CPNE4: variants seen among roughly 807,000 people sequenced by gnomAD.
CPNE4 encodes copine 4, also known as copine-4.
A neutral mutation model predicts 67.9 loss-of-function variants in CPNE4; 25 were observed. The ratio of observed to expected loss-of-function variants is 0.37; its 90% confidence interval spans 0.27 to 0.51. The LOEUF is 0.51. Ranked by LOEUF, CPNE4 falls within the 20% of genes least tolerant of loss-of-function variation. CPNE4 has a pLI of 0.93. For synonymous variants in CPNE4, 242 were observed against 244.9 expected (o/e 0.99, Z 0.11); for missense variants, 464 against 690.8 (o/e 0.67, Z 3.68).
intron 7 of CPNE4, among the ~76,000 whole-genome samples, chr3:131,657,541 T>A (rs2080004349): frequency 6.7e-6 from 1 of 150,156 alleles, no homozygotes; most frequent in South Asian, 2.1e-4. Context: ...TATTTTTTTT[T>A]TTTTTTTTTT....
At chr3:131,801,320 G>C (rs1244671544) in intron 2 of CPNE4, among the ~76,000 whole-genome samples, 2 of 136,576 alleles carry the variant, frequency 1.5e-5, no homozygotes, top group Admixed American at 7.5e-5. Flanking sequence ...ATTCTGTCTA[G>C]TCACTGGAAA....
chr3:131,812,756 C>G (rs2107944172), intron 2 of CPNE4, among the ~76,000 whole-genome samples: 1 of 152,264 alleles, frequency 6.6e-6, no homozygotes, highest in South Asian at 2.1e-4. Flanking sequence ...TAGACTGAAA[C>G]TTTCAGGAGC....
At chr3:131,952,336 C>G in intron 1 of CPNE4, among the ~76,000 whole-genome samples, 1 of 150,946 alleles carries the variant, frequency 6.6e-6, no homozygotes, top group African/African-American at 2.4e-5. Flanking sequence ...GCAACCACCC[C>G]GTCTGAGAAG....
intron 14 of CPNE4, among the ~76,000 whole-genome samples, chr3:131,544,517 C>A (rs1248529535): frequency 6.6e-6 from 1 of 152,146 alleles, no homozygotes; most frequent in Admixed American, 6.5e-5. Flanking sequence ...GCTGAATTCC[C>A]AGTTTGGTTT....
intron 7 of CPNE4, among the ~76,000 whole-genome samples, chr3:131,629,264 T>C (rs970135855): frequency 1.3e-5 from 2 of 152,146 alleles, no homozygotes; most frequent in African/African-American, 4.8e-5. Flanking sequence ...AATTCAAGTT[T>C]AGATTTGGGA....
At chr3:131,995,661 C>A (rs1560754035) in intron 1 of CPNE4, among the ~76,000 whole-genome samples, 1 of 152,178 alleles carries the variant, frequency 6.6e-6, no homozygotes, top group African/African-American at 2.4e-5. Flanking sequence ...CTGGCGACTG[C>A]CTAGCAGTTG....
chr3:131,542,820 G>T (rs749184569), intron 14 of CPNE4, 27 bp from the exon 15 acceptor site: 8 of 1,142,382 alleles, frequency 7.0e-6, no homozygotes, highest in African/African-American at 3.8e-5. Flanking sequence ...CATGATGATG[G>T]GGGGGGGTGA....
At chr3:131,954,802 A>G (rs2071891255) in intron 1 of CPNE4, among the ~76,000 whole-genome samples, 1 of 152,048 alleles carries the variant, frequency 6.6e-6, no homozygotes, top group African/African-American at 2.4e-5. Context: ...AGCTTCGTCC[A>G]TGTCCCTACA....
At chr3:131,893,690 T>C (rs1218699345) in intron 2 of CPNE4, among the ~76,000 whole-genome samples, 1 of 151,782 alleles carries the variant, frequency 6.6e-6, no homozygotes, top group Non-Finnish European at 1.5e-5. Flanking sequence ...TACATGGAAA[T>C]TAAACAGCAC....
chr3:131,991,615 T>C (rs1429186676), intron 1 of CPNE4, among the ~76,000 whole-genome samples: 2 of 135,640 alleles, frequency 1.5e-5, no homozygotes, highest in African/African-American at 2.5e-5. Flanking sequence ...AACCTGACAA[T>C]GCGATAGAAA....
At position 132,034,836 on chromosome 3, in the gene CPNE4, G is replaced by T; in HGVS notation, c.-271C>A. ...GGGGGTGGGGGAAGAGGGTGAAAAT[G>T]TTGGAGATGTCAGGTCGGCTCTCAG... is the stretch of plus-strand genomic sequence containing the variant. On this transcript the variant is annotated 5_prime_UTR_variant, in exon 1 of 16. Transcript: ENST00000429747. The T allele has an allele frequency of 2.0e-6, 2 of 985,606 alleles. No individual in the cohort carries two copies. Among genetic ancestry groups the T allele is most frequent in the South Asian group, 4.7e-5 (1 of 21,266 alleles). 61.1% of individuals were successfully genotyped at this position (985,606 alleles called of 1,614,324 possible).
chr3:132,035,113 A>G (rs2074317800), upstream of CPNE4: 5 of 963,468 alleles, frequency 5.2e-6, no homozygotes, highest in Non-Finnish European at 6.2e-6. Flanking sequence ...TTGCCCCGGG[A>G]ACCCGAGCTC....
intron 11 of CPNE4, among the ~76,000 whole-genome samples, chr3:131,560,501 C>G (rs1259640733): frequency 6.6e-6 from 1 of 152,028 alleles, no homozygotes; most frequent in Non-Finnish European, 1.5e-5. Flanking sequence ...CCCTCCTTGA[C>G]CACCCCTCTT....
At chr3:131,985,596 T>A (rs2107642654) in intron 1 of CPNE4, among the ~76,000 whole-genome samples, 1 of 152,340 alleles carries the variant, frequency 6.6e-6, no homozygotes, top group East Asian at 1.9e-4. Flanking sequence ...CCAGATCTTA[T>A]TTTAAACACT....
chr3:131,640,358 A>G (rs1219425520), intron 7 of CPNE4, among the ~76,000 whole-genome samples: 1 of 152,180 alleles, frequency 6.6e-6, no homozygotes, highest in East Asian at 1.9e-4. Context: ...TCTGCTATAC[A>G]CCAGCAGTGA....
intron 2 of CPNE4, among the ~76,000 whole-genome samples, chr3:131,778,441 C>G (rs2083346503): frequency 6.6e-6 from 1 of 152,108 alleles, no homozygotes; most frequent in African/African-American, 2.4e-5. Context: ...GTCATAAATC[C>G]TCCTTTAACC....
intron 1 of CPNE4, among the ~76,000 whole-genome samples, chr3:131,954,767 T>G (rs537616892): frequency 1.3e-5 from 2 of 152,292 alleles, no homozygotes; most frequent in East Asian, 3.9e-4. Context: ...GTCCTTGTGA[T>G]AGTTTGCTCA....
At chr3:132,016,390 C>T (rs1318307932) in intron 1 of CPNE4, among the ~76,000 whole-genome samples, 1 of 152,212 alleles carries the variant, frequency 6.6e-6, no homozygotes, top group Non-Finnish European at 1.5e-5. Flanking sequence ...TAGCTTTCCA[C>T]TGTCAGCAGG....
At chr3:131,833,965 T>C (rs768807963) in intron 2 of CPNE4, among the ~76,000 whole-genome samples, 1 of 152,220 alleles carries the variant, frequency 6.6e-6, no homozygotes, top group Non-Finnish European at 1.5e-5. Context: ...TATATTTATA[T>C]AGCTATTAAA....
Sources: allele counts gnomAD v4.1 joint callset (sites outside exome capture counted in the v4.1 genomes callset), GRCh38; gene constraint gnomAD v4.1.1; transcripts MANE v1.5; gene names NCBI Gene and HGNC (gene_info 2026-07-23, HGNC 2026-07-21).